The following ATP2B2 variants were observed in gnomAD, a reference collection of about 807,000 sequenced individuals.
ATP2B2 encodes plasma membrane calcium-transporting ATPase 2.
ATP2B2 carries 15 observed loss-of-function variants against 120.0 expected under a neutral mutation model. The ratio of observed to expected loss-of-function variants is 0.12; its 90% CI spans 0.08 to 0.19. The LOEUF is 0.19. Among genes scored for constraint, ATP2B2 ranks in the 10% least tolerant of loss-of-function variants. The probability of loss-of-function intolerance (pLI) is 1.00; values close to 1 mark genes in which losing one functional copy is unlikely to be tolerated. For missense variants in ATP2B2, 1,045 were observed against 1,719.8 expected (o/e 0.61, Z 6.94); for synonymous variants, 694 against 700.3 (o/e 0.99, Z 0.14).
intron 16 of ATP2B2, among the ~76,000 whole-genome samples, chr3:10,348,209 C>T (rs551967376): frequency 6.6e-6 from 1 of 152,240 alleles, no homozygotes; most frequent in South Asian, 2.1e-4. Context: ...TGCTCCTCAT[C>T]CCTCCATGAC....
intron 13 of ATP2B2, among the ~76,000 whole-genome samples, chr3:10,359,545 T>C (rs1205884431): frequency 6.6e-6 from 1 of 152,062 alleles, no homozygotes; most frequent in African/African-American, 2.4e-5. Context: ...AACTCTACGC[T>C]AAAGGAAATG....
rs184651075 is a variant in ATP2B2 at position 10,406,809 on chromosome 3, C to T, written c.397+3809G>A. ...CCCATCAACATTGCCACTGACCAGC[C>T]CTGTCTTACAGAGGGAGAAGGTAAG... On this transcript the variant is annotated intron_variant, in intron 3 of 22. Transcript: ENST00000360273. Among the ~76,000 whole-genome samples the T allele has an allele frequency of 2.6e-4, 40 of 152,360 alleles. No homozygotes were observed. The East Asian group carries it at 7.5e-3, about 29-fold the overall frequency.
rs1418954859 is a variant in ATP2B2 at position 10,487,966 on chromosome 3, T to C, written c.-320+17499A>G. 2.0e-5 allele frequency among the ~76,000 whole-genome samples: 3 copies of C among 152,132 alleles called. 1 individual carries two copies. Among genetic ancestry groups the C allele is most frequent in the South Asian group, 4.1e-4 (2 of 4,830 alleles). On this transcript the variant is annotated intron_variant, in intron 1 of 22. Transcript: ENST00000360273. ...CCATTCATCCATTCACCCATATACA[T>C]ATCTTCCTGCCCATCCATCCACTTA...
chr3:10,480,462 T>C (rs2065367768), intron 1 of ATP2B2, among the ~76,000 whole-genome samples: 1 of 152,106 alleles, frequency 6.6e-6, no homozygotes, highest in South Asian at 2.1e-4. Flanking sequence ...CAGGGACACA[T>C]CCCCAGAATG....
At chr3:10,484,052 G>A (rs1451483538) in intron 1 of ATP2B2, among the ~76,000 whole-genome samples, 6 of 152,192 alleles carry the variant, frequency 3.9e-5, no homozygotes, top group African/African-American at 1.2e-4. Context: ...CTTGAGCAAC[G>A]ACTAGGCCTC....
At chr3:10,613,463 T>C (rs1360446338) in intron 2 of ATP2B2, among the ~76,000 whole-genome samples, 1 of 152,084 alleles carries the variant, frequency 6.6e-6, no homozygotes. Flanking sequence ...GCAGTCTTAT[T>C]GCAGACTGTG....
intron 2 of ATP2B2, among the ~76,000 whole-genome samples, chr3:10,441,352 G>A (rs2063659396): frequency 6.6e-6 from 1 of 152,130 alleles, no homozygotes; most frequent in Admixed American, 6.5e-5. Flanking sequence ...TGATTCTTGT[G>A]TCTCAGCCTC....
chr3:10,472,035 T>G (rs972993781), intron 1 of ATP2B2, among the ~76,000 whole-genome samples: 3 of 141,172 alleles, frequency 2.1e-5, no homozygotes, highest in East Asian at 2.1e-4. Context: ...GAGCCGAGAT[T>G]GCGCCACTGC....
chr3:10,409,199 A>G (rs561532359), intron 3 of ATP2B2, among the ~76,000 whole-genome samples: 4 of 152,324 alleles, frequency 2.6e-5, no homozygotes, highest in Admixed American at 6.5e-5. Context: ...TTTGGTATAA[A>G]ACTTCTTCAA....
chr3:10,345,727 C>G, intron 17 of ATP2B2, 152 bp from the exon 18 acceptor site: 1 of 778,238 alleles, frequency 1.3e-6, no homozygotes, highest in South Asian at 1.8e-5. Context: ...CCACTCTTCA[C>G]GCTCCTCACA....
chr3:10,528,326 G>T (rs2067142013), intron 3 of ATP2B2, among the ~76,000 whole-genome samples: 1 of 152,122 alleles, frequency 6.6e-6, no homozygotes, highest in Admixed American at 6.5e-5. Flanking sequence ...GGCCAGGAGA[G>T]CCTGGGCCAA....
At chr3:10,413,878 G>A (rs2062695545) in intron 2 of ATP2B2, among the ~76,000 whole-genome samples, 1 of 152,252 alleles carries the variant, frequency 6.6e-6, no homozygotes, top group Non-Finnish European at 1.5e-5. Flanking sequence ...TGACAAGGGA[G>A]AAGGGAGAGT....
intron 2 of ATP2B2, among the ~76,000 whole-genome samples, chr3:10,415,572 G>C (rs1011900503): frequency 6.6e-6 from 1 of 152,210 alleles, no homozygotes; most frequent in African/African-American, 2.4e-5. Flanking sequence ...AGGTGGAACA[G>C]CTTGCCTGGT....
At chr3:10,648,413 G>A (rs976311686) in intron 1 of ATP2B2, among the ~76,000 whole-genome samples, 10 of 152,176 alleles carry the variant, frequency 6.6e-5, no homozygotes, top group African/African-American at 2.4e-4. Context: ...GCATCAATGT[G>A]GGAGGCCCCT....
intron 2 of ATP2B2, among the ~76,000 whole-genome samples, chr3:10,426,354 C>G (rs191381893): frequency 4.4e-4 from 67 of 152,294 alleles, no homozygotes; most frequent in Admixed American, 4.2e-3. Context: ...CTAGACACAC[C>G]TGCACAGGAA....
intron 2 of ATP2B2, among the ~76,000 whole-genome samples, chr3:10,432,860 T>C (rs1415620198): frequency 6.6e-6 from 1 of 152,126 alleles, no homozygotes; most frequent in Admixed American, 6.5e-5. Flanking sequence ...GAGAGGTTGC[T>C]GTTGGCTTTG....
At chr3:10,697,436 C>G (rs561936837) in intron 1 of ATP2B2, among the ~76,000 whole-genome samples, 2 of 152,160 alleles carry the variant, frequency 1.3e-5, no homozygotes, top group Non-Finnish European at 2.9e-5. Context: ...CATAGAGACA[C>G]AGGAAAGATG....
intron 2 of ATP2B2, among the ~76,000 whole-genome samples, chr3:10,598,924 C>T (rs899594437): frequency 7.2e-5 from 11 of 152,326 alleles, no homozygotes; most frequent in African/African-American, 1.9e-4. Context: ...TCTAATAAGA[C>T]GTTTATTTTA....
chr3:10,541,462 T>C (rs918041048), intron 2 of ATP2B2, among the ~76,000 whole-genome samples: 3 of 152,216 alleles, frequency 2.0e-5, no homozygotes, highest in Non-Finnish European at 4.4e-5. Context: ...ATAGGTTCTA[T>C]TTTAACTGTC....
Sources: allele counts gnomAD v4.1 joint callset (sites outside exome capture counted in the v4.1 genomes callset), GRCh38; gene constraint gnomAD v4.1.1; transcripts MANE v1.5; gene names NCBI Gene and HGNC (gene_info 2026-07-23, HGNC 2026-07-21).